Variants in NGB observed in about 807,000 individuals in gnomAD.
NGB encodes nitrite reductase.
A neutral mutation model predicts 17.3 loss-of-function variants in NGB; 12 were observed. The observed-to-expected ratio is 0.69, with a 90% CI of 0.45 to 1.13. The LOEUF is 1.13. Among genes scored for constraint, NGB ranks in the 50% most tolerant of loss-of-function variants. The pLI, the probability that NGB is intolerant of heterozygous loss-of-function variation, is 0.00. For synonymous variants in NGB, 87 were observed against 81.0 expected, an observed-to-expected ratio of 1.07 and a Z score of -0.40; for missense variants, 195 against 191.7, an observed-to-expected ratio of 1.02 and a Z score of -0.10.
rs763372679 is a variant in NGB at position 77,270,942 on chromosome 14, T to TCC, written c.-7_-6dup. On this transcript the variant is annotated 5_prime_UTR_variant, in exon 1 of 4. Coordinates refer to ENST00000298352, the MANE Select transcript of NGB (RefSeq NM_021257.4). The stretch of plus-strand genomic sequence containing the variant: ...CTCGGGCTCCGGGCGCTCCATGCTG[T>TCC]CCCGGGGACGCGGAGCGCGGGGCTG... The TCC allele has an allele frequency of 6.5e-7, 1 of 1,530,416 alleles. No individual in the cohort carries two copies. Among genetic ancestry groups the TCC allele is most frequent in the Admixed American group, 1.9e-5 (1 of 53,286 alleles). The allele number at this position is 1,530,416 out of a possible 1,614,324, so 94.8% of individuals were successfully genotyped here. A position where few individuals can be genotyped will look rare whatever the true frequency, so the allele number is the denominator to read the frequency against.
At chr14:77,268,382 A>C (rs1889701800) in intron 3 of NGB, 84 bp downstream of exon 3, 1 of 1,440,290 alleles carries the variant, frequency 6.9e-7, no homozygotes, top group East Asian at 2.3e-5. Context: ...AATGGGAGAG[A>C]GAACAGGTGG....
Position 77,271,056 on chromosome 14 carries a change from G to A in NGB, c.-119C>T, listed in dbSNP as rs1246128698. 9 of 696,888 alleles carry A rather than the reference G, an allele frequency of 1.3e-5. No individual in the cohort carries two copies. The highest frequency in any genetic ancestry group is 1.7e-5 in the Non-Finnish European group (8 of 459,390). The allele number at this position is 696,888 out of a possible 1,614,324, so 43.2% of individuals were successfully genotyped here. A position where few individuals can be genotyped will look rare whatever the true frequency, so the allele number is the denominator to read the frequency against. ...CCTCCGCCCCTCGTACGCCCCCCGT[G>A]CCTCCGCCCGGCGGGGGCCGCAGCC... is the stretch of plus-strand genomic sequence containing the variant. On this transcript the variant is annotated 5_prime_UTR_variant, in exon 1 of 4. Coordinates refer to ENST00000298352, the MANE Select transcript of NGB (RefSeq NM_021257.4).
rs1466533230 is a variant in NGB, at chr14:77,269,175, C to T, written c.201+40G>A. On this transcript the variant is annotated intron_variant, in intron 2 of 3. Coordinates refer to ENST00000298352, the MANE Select transcript of NGB (RefSeq NM_021257.4). Reference sequence around the variant, plus strand: ...CATTCTCCACCAGGGAGGTGCTCTGCTGGATCCCAGAGGTCACAGCAGCTC... The same window carrying T: ...CATTCTCCACCAGGGAGGTGCTCTGTTGGATCCCAGAGGTCACAGCAGCTC... 4 of 1,311,710 alleles carry T rather than the reference C, an allele frequency of 3.0e-6. No individual in the cohort carries two copies. The East Asian group carries it at 1.0e-4, about 33-fold the overall frequency. The allele number at this position is 1,311,710 out of a possible 1,614,324, so 81.3% of individuals were successfully genotyped here.
At chr14:77,269,101 G>T in intron 2 of NGB, 114 bp downstream of exon 2, 1 of 676,340 alleles carries the variant, frequency 1.5e-6, no homozygotes, top group East Asian at 2.9e-5. Flanking sequence ...CCTGCTTGGG[G>T]GAACTGGAAG....
intron 2 of NGB, 30 bp from the exon 3 acceptor site, chr14:77,268,615 A>C: frequency 6.2e-7 from 1 of 1,613,534 alleles, no homozygotes; most frequent in African/African-American, 1.3e-5. Context: ...AGTGAAACAG[A>C]GAGGCCAGAG....
intron 3 of NGB, among the ~76,000 whole-genome samples, chr14:77,267,951 C>T (rs1889696477): frequency 6.6e-6 from 1 of 152,232 alleles, no homozygotes; most frequent in Non-Finnish European, 1.5e-5. Flanking sequence ...CCTCTAAAAA[C>T]TCCCCCTTGG....
intron 1 of NGB, 93 bp from the exon 2 acceptor site, chr14:77,269,419 C>G (rs45608147): frequency 0.022 from 17,777 of 798,834 alleles, 290 homozygotes; most frequent in Non-Finnish European, 0.031. Flanking sequence ...GGCGGGGGTG[C>G]CAAGCCAGGT....
At chr14:77,266,870 A>T (rs1476244258) in intron 3 of NGB, among the ~76,000 whole-genome samples, 200 bp from the exon 4 acceptor site, 1 of 152,156 alleles carries the variant, frequency 6.6e-6, no homozygotes, top group Non-Finnish European at 1.5e-5. Context: ...TCTAAATGTG[A>T]GGCTTTATAT....
At chr14:77,268,348 G>A in intron 3 of NGB, 118 bp downstream of exon 3, 1 of 1,127,120 alleles carries the variant, frequency 8.9e-7, no homozygotes, top group Non-Finnish European at 1.3e-6. Flanking sequence ...CAGGCCCGCA[G>A]CCCTGGTTAT....
intron 3 of NGB, 123 bp from the exon 4 acceptor site, chr14:77,266,793 TGAG>T: frequency 9.4e-7 from 1 of 1,061,288 alleles, no homozygotes. Context: ...TCTCCTGCAT[TGAG>T]TCCATGCTTC....
intron 3 of NGB, 54 bp from the exon 4 acceptor site, chr14:77,266,724 A>G (rs1555350550): frequency 1.3e-6 from 2 of 1,592,078 alleles, no homozygotes; most frequent in Non-Finnish European, 1.7e-6. Context: ...GCACTGCTCC[A>G]TTCCACAGGT....
At position 77,268,462 on chromosome 14, in the gene NGB, C is replaced by T. The variant is rs761597829; in HGVS notation, c.321+4G>A. Reference sequence around the variant, plus strand: ...CTGGAGAGAGTCAGAGCTCCTTTACCCACCGAGAAGGAGCTGAGCTTCACA... The same window carrying T: ...CTGGAGAGAGTCAGAGCTCCTTTACTCACCGAGAAGGAGCTGAGCTTCACA... On this transcript the variant is annotated splice_donor_region_variant and intron_variant, in intron 3 of 3. Coordinates refer to ENST00000298352, the MANE Select transcript of NGB (RefSeq NM_021257.4). 34 of 1,610,870 alleles carry T rather than the reference C, an allele frequency of 2.1e-5. No homozygotes were observed. Among genetic ancestry groups the T allele is most frequent in the Non-Finnish European group, 2.7e-5 (32 of 1,179,858 alleles).
chr14:77,266,727 C>T (rs527726450), intron 3 of NGB, 57 bp from the exon 4 acceptor site: 81 of 1,587,886 alleles, frequency 5.1e-5, no homozygotes, highest in Middle Eastern at 1.7e-4. Context: ...CTGCTCCATT[C>T]CACAGGTGAG....
rs1889674918 is a variant in NGB at position 77,266,584 on chromosome 14, G to A, written c.408C>T (p.Leu136=). The A allele has an allele frequency of 6.2e-7, 1 of 1,614,080 alleles. No individual in the cohort carries two copies. The highest frequency in any genetic ancestry group is 1.3e-5 in the African/African-American group (1 of 74,952). The change falls in exon 4 of 4, where the codon CTC becomes CTT. Residue 136 remains leucine (L), a synonymous_variant. Coordinates refer to ENST00000298352, the MANE Select transcript of NGB (RefSeq NM_021257.4). Reference sequence around the variant, plus strand: ...TCATGGCCTGCACTACGGCCCCGTAGAGTTGGCTCCAGGCAGCCCGTGTGG... The same window carrying A: ...TCATGGCCTGCACTACGGCCCCGTAAAGTTGGCTCCAGGCAGCCCGTGTGG... ...TPATRAAWSQ[L]YGAVVQAMSR... is the part of the protein sequence containing the mutation.
intron 2 of NGB, 152 bp from the exon 3 acceptor site, chr14:77,268,737 T>C: frequency 1.9e-6 from 2 of 1,043,312 alleles, no homozygotes; most frequent in Non-Finnish European, 1.4e-6. Flanking sequence ...CTGTGTCTAC[T>C]ACATGTAGGG....
Position 77,268,594 on chromosome 14 carries a change from G to A in NGB, c.202-9C>T. The A allele has an allele frequency of 6.2e-7, 1 of 1,613,878 alleles. No individual in the cohort carries two copies. The highest frequency in any genetic ancestry group is 1.1e-5 in the South Asian group (1 of 91,064). ...TCAATCACGAGCATCACCTGCCAAG[G>A]CCAAGGCAGCAGTGAAACAGAGAGG... On this transcript the variant is annotated splice_polypyrimidine_tract_variant and intron_variant, in intron 2 of 3. Transcript: ENST00000298352.
At chr14:77,268,616 G>A (rs1435499374) in intron 2 of NGB, 31 bp from the exon 3 acceptor site, 2 of 1,613,500 alleles carry the variant, frequency 1.2e-6, no homozygotes, top group Non-Finnish European at 1.7e-6. Flanking sequence ...GTGAAACAGA[G>A]AGGCCAGAGC....
At chr14:77,270,601 G>A (rs950877593) in intron 1 of NGB, among the ~76,000 whole-genome samples, 1 of 152,204 alleles carries the variant, frequency 6.6e-6, no homozygotes, top group Non-Finnish European at 1.5e-5. Context: ...GATCCCGCCC[G>A]GCCCGGTGAG....
At position 77,268,329 on chromosome 14, in the gene NGB, T is replaced by C. The variant is rs146123667; in HGVS notation, c.321+137A>G. 5.1e-4 allele frequency: 436 copies of C among 863,030 alleles called. 3 individuals carry two copies. The African/African-American group carries it at 6.5e-3, about 13-fold the overall frequency. The allele number at this position is 863,030 out of a possible 1,614,324, so 53.5% of individuals were successfully genotyped here. A position where few individuals can be genotyped will look rare whatever the true frequency, so the allele number is the denominator to read the frequency against. ...GCCCATGTCAGGGCCACACAGCAGG[T>C]AACAGATGCAGGCCCGCAGCCCTGG... is the stretch of plus-strand genomic sequence containing the variant. On this transcript the variant is annotated intron_variant, in intron 3 of 3. Transcript: ENST00000298352.
Sources: allele counts gnomAD v4.1 joint callset (sites outside exome capture counted in the v4.1 genomes callset), GRCh38; gene constraint gnomAD v4.1.1; transcripts MANE v1.5; gene names NCBI Gene and HGNC (gene_info 2026-07-23, HGNC 2026-07-21).